ZFPM2: variants seen among roughly 807,000 people sequenced by gnomAD.
The protein encoded by ZFPM2 is zinc finger protein ZFPM2.
ZFPM2 carries 20 observed loss-of-function variants against 98.6 expected under a neutral mutation model. The observed-to-expected ratio is 0.20, with a 90% CI of 0.14 to 0.29. ZFPM2 has a LOEUF of 0.29. ZFPM2 is among the 10% of genes least tolerant of loss of function. The probability of loss-of-function intolerance (pLI) is 1.00; values close to 1 mark genes in which losing one functional copy is unlikely to be tolerated. For synonymous variants in ZFPM2, 518 were observed against 502.7 expected (o/e 1.03, Z -0.41); for missense variants, 1,310 against 1,388.6 (o/e 0.94, Z 0.90).
At position 105,430,285 on chromosome 8, in the gene ZFPM2, C is replaced by A. The variant is rs546919355; in HGVS notation, c.199+10983C>A. Reference sequence around the variant, plus strand: ...TGAATTGTATAAGCTTTGGTCCCCACCAAGCCTGAATCAACCCCTTTTAGT... The same window carrying A: ...TGAATTGTATAAGCTTTGGTCCCCAACAAGCCTGAATCAACCCCTTTTAGT... On this transcript the variant is annotated intron_variant, in intron 2 of 7. Coordinates refer to ENST00000407775, the MANE Select transcript of ZFPM2 (RefSeq NM_012082.4). Among the ~76,000 whole-genome samples, 6 of 152,266 alleles carry A rather than the reference C, an allele frequency of 3.9e-5. No individual in the cohort carries two copies. The South Asian group carries it at 1.0e-3, about 26-fold the overall frequency.
intron 4 of ZFPM2, among the ~76,000 whole-genome samples, chr8:105,580,817 C>CTATA (rs1333995271): frequency 3.1e-4 from 35 of 112,226 alleles, no homozygotes; most frequent in South Asian, 2.9e-3. Flanking sequence ...CTCTCTCTCT[C>CTATA]TCTCTCTCTC....
intron 3 of ZFPM2, among the ~76,000 whole-genome samples, chr8:105,515,846 G>T (rs988944558): frequency 2.7e-5 from 4 of 150,932 alleles, no homozygotes; most frequent in Non-Finnish European, 5.9e-5. Context: ...AACTCTGATT[G>T]CTCTGGCTTG....
intron 3 of ZFPM2, among the ~76,000 whole-genome samples, chr8:105,505,174 T>A (rs751563804): frequency 6.6e-6 from 1 of 152,266 alleles, no homozygotes; most frequent in Non-Finnish European, 1.5e-5. Flanking sequence ...AGAAATTGTA[T>A]CTACTCTGCA....
At chr8:105,349,616 T>C (rs1586308500) in intron 1 of ZFPM2, among the ~76,000 whole-genome samples, 1 of 152,152 alleles carries the variant, frequency 6.6e-6, no homozygotes, top group Admixed American at 6.5e-5. Context: ...TTCTAGAAAC[T>C]CTGCATCATG....
At chr8:105,583,886 C>A (rs112693145) in intron 4 of ZFPM2, among the ~76,000 whole-genome samples, 5 of 152,190 alleles carry the variant, frequency 3.3e-5, no homozygotes, top group Non-Finnish European at 2.9e-5. Flanking sequence ...GTAAAGACAT[C>A]ATGGAGTATC....
chr8:105,790,144 A>G (rs1244746789), intron 6 of ZFPM2, among the ~76,000 whole-genome samples: 1 of 151,472 alleles, frequency 6.6e-6, no homozygotes, highest in Admixed American at 6.6e-5. Flanking sequence ...GGTGTTTTAG[A>G]CATGAAGTCC....
chr8:105,762,792 A>G (rs1664123982), intron 5 of ZFPM2, among the ~76,000 whole-genome samples: 2 of 151,866 alleles, frequency 1.3e-5, no homozygotes, highest in Admixed American at 1.3e-4. Flanking sequence ...ACAAATCCAG[A>G]CTCAATGGCA....
intron 2 of ZFPM2, among the ~76,000 whole-genome samples, chr8:105,435,675 A>C (rs1165916045): frequency 6.6e-6 from 1 of 152,158 alleles, no homozygotes; most frequent in Non-Finnish European, 1.5e-5. Context: ...GTAAAAAAAA[A>C]TGTTGGTCAA....
chr8:105,540,474 T>C (rs1042323764), intron 3 of ZFPM2, among the ~76,000 whole-genome samples: 20 of 152,118 alleles, frequency 1.3e-4, no homozygotes, highest in African/African-American at 4.6e-4. Context: ...CTACAAAATG[T>C]TAGCTATGAT....
intron 4 of ZFPM2, among the ~76,000 whole-genome samples, chr8:105,591,147 CT>C (rs1231112264): frequency 6.6e-6 from 1 of 151,704 alleles, no homozygotes; most frequent in Admixed American, 6.6e-5. Context: ...AATCAGTTTG[CT>C]GATTTTGACT....
chr8:105,356,150 A>G (rs1347776428), intron 1 of ZFPM2, among the ~76,000 whole-genome samples: 2 of 152,238 alleles, frequency 1.3e-5, no homozygotes, highest in East Asian at 3.8e-4. Flanking sequence ...TTTTCTTGTC[A>G]TCCTGTAATT....
intron 4 of ZFPM2, among the ~76,000 whole-genome samples, chr8:105,632,100 C>A (rs923187229): frequency 1.2e-4 from 18 of 152,100 alleles, no homozygotes; most frequent in African/African-American, 3.9e-4. Context: ...ACTCCTTCCT[C>A]CGACTTGTTC....
intron 6 of ZFPM2, among the ~76,000 whole-genome samples, chr8:105,791,494 G>A (rs1191802559): frequency 1.3e-5 from 2 of 151,724 alleles, no homozygotes; most frequent in Non-Finnish European, 3.0e-5. Flanking sequence ...CAGTTTGCCA[G>A]TATTTTATTG....
At chr8:105,492,495 A>G (rs76386346) in intron 3 of ZFPM2, among the ~76,000 whole-genome samples, 2,143 of 152,300 alleles carry the variant, frequency 0.014, 30 homozygotes, top group Non-Finnish European at 0.021. Flanking sequence ...GAAAAGATAC[A>G]TATATTGCTT....
intron 1 of ZFPM2, among the ~76,000 whole-genome samples, chr8:105,368,899 T>C (rs1188694795): frequency 6.6e-6 from 1 of 152,300 alleles, no homozygotes; most frequent in East Asian, 1.9e-4. Flanking sequence ...CTTGAGGTGA[T>C]GTGCAACTTT....
At chr8:105,576,049 T>C (rs1440888182) in intron 4 of ZFPM2, among the ~76,000 whole-genome samples, 1 of 152,200 alleles carries the variant, frequency 6.6e-6, no homozygotes, top group African/African-American at 2.4e-5. Flanking sequence ...TAGTGAGCTT[T>C]AGAAACGGAT....
At chr8:105,324,913 G>A (rs1387763580) in intron 1 of ZFPM2, among the ~76,000 whole-genome samples, 1 of 151,788 alleles carries the variant, frequency 6.6e-6, no homozygotes, top group Non-Finnish European at 1.5e-5. Context: ...ATTTGTATGG[G>A]AATAAGAAAT....
chr8:105,561,271 A>G, intron 3 of ZFPM2, 92 bp from the exon 4 acceptor site: 1 of 922,180 alleles, frequency 1.1e-6, no homozygotes, highest in Admixed American at 2.0e-5. Flanking sequence ...AATCCTGAGA[A>G]TATCATGTGT....
intron 3 of ZFPM2, among the ~76,000 whole-genome samples, chr8:105,500,384 G>T (rs1355781254): frequency 6.6e-6 from 1 of 152,048 alleles, no homozygotes; most frequent in Non-Finnish European, 1.5e-5. Context: ...AAACACTTAA[G>T]AAATTATTCT....
Sources: gnomAD v4.1 joint callset for allele counts (sites outside exome capture counted in the v4.1 genomes callset) on GRCh38, gnomAD v4.1.1 for gene constraint, MANE v1.5 for transcripts, NCBI Gene and HGNC (gene_info 2026-07-23, HGNC 2026-07-21) for gene names.